EML5: variants seen among roughly 807,000 people sequenced by gnomAD.
The protein encoded by EML5 is echinoderm microtubule-associated protein-like 5.
Under a neutral mutation model 250.0 loss-of-function variants are expected in EML5, and 120 were observed. The observed-to-expected ratio is 0.48, with a 90% CI of 0.41 to 0.56. The LOEUF (loss-of-function observed/expected upper bound fraction) is 0.56, where lower values mean the gene tolerates loss of function less well. Ranked by LOEUF, EML5 falls within the 20% of genes least tolerant of loss-of-function variation. The probability of loss-of-function intolerance (pLI) is 0.00; values close to 1 mark genes in which losing one functional copy is unlikely to be tolerated. For missense variants in EML5, 2,006 were observed against 2,437.6 expected (o/e 0.82, Z 3.73); for synonymous variants, 771 against 806.5 (o/e 0.96, Z 0.75).
intron 27 of EML5, among the ~76,000 whole-genome samples, chr14:88,654,645 CTGTT>C (rs1307351419): frequency 3.9e-5 from 6 of 152,112 alleles, no homozygotes; most frequent in African/African-American, 9.7e-5. Context: ...GTTTGAGAGA[CTGTT>C]TGTTATGATT....
intron 1 of EML5, among the ~76,000 whole-genome samples, chr14:88,788,564 T>G (rs1271635220): frequency 6.6e-6 from 1 of 152,028 alleles, no homozygotes; most frequent in East Asian, 1.9e-4. Flanking sequence ...CTCTAAATTC[T>G]ATACCTACTT....
At chr14:88,713,700 T>C (rs1458137295) in intron 9 of EML5, among the ~76,000 whole-genome samples, 1 of 151,564 alleles carries the variant, frequency 6.6e-6, no homozygotes, top group Non-Finnish European at 1.5e-5. Context: ...AAGAGATCCT[T>C]CCACTTTGGC....
intron 42 of EML5, 124 bp downstream of exon 42, chr14:88,616,602 T>C (rs2087659066): frequency 1.0e-6 from 1 of 982,628 alleles, no homozygotes; most frequent in East Asian, 2.6e-5. Flanking sequence ...TAAATAGATT[T>C]AGAAAGTTTG....
At chr14:88,759,871 A>T (rs976105178) in intron 1 of EML5, among the ~76,000 whole-genome samples, 2 of 152,118 alleles carry the variant, frequency 1.3e-5, no homozygotes, top group Non-Finnish European at 2.9e-5. Context: ...TTACACTCTC[A>T]CCAGCAATGT....
At chr14:88,627,860 A>G (rs1473920043) in intron 33 of EML5, 41 bp from the exon 34 acceptor site, 1 of 1,511,318 alleles carries the variant, frequency 6.6e-7, no homozygotes, top group East Asian at 2.4e-5. Context: ...TCTACCTGTT[A>G]TAAATATTTC....
At position 88,776,688 on chromosome 14, in the gene EML5, G is replaced by T. The variant is rs938258345; in HGVS notation, c.197+15619C>A. The stretch of plus-strand genomic sequence containing the variant: ...TTGAGCCCAGTAGTTCAAGACCAAC[G>T]TGCGTAACATGGCAAAACCCTGTCT... On this transcript the variant is annotated intron_variant, in intron 1 of 43. Coordinates refer to ENST00000554922, the MANE Select transcript of EML5 (RefSeq NM_183387.3). Among the ~76,000 whole-genome samples the T allele has an allele frequency of 2.0e-5, 3 of 150,566 alleles. No homozygotes were observed. In the South Asian group the frequency reaches 6.3e-4, roughly 32 times the overall value.
intron 28 of EML5, among the ~76,000 whole-genome samples, chr14:88,649,344 C>T (rs571642171): frequency 2.6e-5 from 4 of 152,090 alleles, no homozygotes; most frequent in Admixed American, 6.6e-5. Flanking sequence ...CCTGAGCCAC[C>T]GTGCCCAGCC....
intron 25 of EML5, among the ~76,000 whole-genome samples, chr14:88,660,571 T>C (rs1374141643): frequency 6.6e-6 from 1 of 151,742 alleles, no homozygotes; most frequent in East Asian, 2.0e-4. Flanking sequence ...TAAAACCCTA[T>C]CTCTACTAAA....
intron 25 of EML5, among the ~76,000 whole-genome samples, chr14:88,659,360 G>A (rs931693099): frequency 1.9e-4 from 29 of 152,032 alleles, no homozygotes; most frequent in Middle Eastern, 3.4e-3. Context: ...ACAGGGACCC[G>A]CCACCGTGCC....
intron 9 of EML5, 95 bp downstream of exon 9, chr14:88,714,844 T>C: frequency 8.1e-7 from 1 of 1,227,260 alleles, no homozygotes. Flanking sequence ...CTTCTTTGAT[T>C]TCCTATGATC....
intron 7 of EML5, among the ~76,000 whole-genome samples, chr14:88,732,469 C>T (rs2093775999): frequency 6.6e-6 from 1 of 152,142 alleles, no homozygotes; most frequent in African/African-American, 2.4e-5. Context: ...GTTACTATAG[C>T]CTTGTAGTAT....
In EML5 at chr14:88,702,646, C is replaced by A. The variant is rs2093237701; in HGVS notation, c.2052-14G>T. 6.6e-7 allele frequency: 1 copy of A among 1,509,110 alleles called. No individual in the cohort carries two copies. Among genetic ancestry groups the A allele is most frequent in the African/African-American group, 1.4e-5 (1 of 70,832 alleles). The allele number at this position is 1,509,110 out of a possible 1,614,324, so 93.5% of individuals were successfully genotyped here. A position where few individuals can be genotyped will look rare whatever the true frequency, so the allele number is the denominator to read the frequency against. On this transcript the variant is annotated splice_polypyrimidine_tract_variant and intron_variant, in intron 13 of 43. Coordinates refer to ENST00000554922, the MANE Select transcript of EML5 (RefSeq NM_183387.3). Reference sequence around the variant, plus strand: ...TAACCTCTGTAACTAATATAGAAAACAAATCATATATAATTAATTTTGGCC... The same window carrying A: ...TAACCTCTGTAACTAATATAGAAAAAAAATCATATATAATTAATTTTGGCC...
intron 21 of EML5, among the ~76,000 whole-genome samples, chr14:88,677,583 C>T (rs924103263): frequency 4.6e-5 from 7 of 152,188 alleles, no homozygotes; most frequent in Admixed American, 2.0e-4. Flanking sequence ...CCAGAATCTA[C>T]AAGGAACTTA....
intron 1 of EML5, among the ~76,000 whole-genome samples, chr14:88,783,379 G>A (rs750801827): frequency 6.6e-6 from 1 of 152,168 alleles, no homozygotes; most frequent in South Asian, 2.1e-4. Flanking sequence ...ACAGATCAAT[G>A]GAAGATCCAA....
At chr14:88,616,098 C>T (rs2087567211) in intron 43 of EML5, 44 bp downstream of exon 43, 1 of 1,585,942 alleles carries the variant, frequency 6.3e-7, no homozygotes, top group East Asian at 2.2e-5. Context: ...AGTCTCTTAA[C>T]TAGTAACATA....
In EML5 at chr14:88,664,576, A is replaced by C; in HGVS notation, c.3326T>G (p.Ile1109Arg). The C allele has an allele frequency of 1.2e-6, 2 of 1,610,678 alleles. No individual in the cohort carries two copies. Among genetic ancestry groups the C allele is most frequent in the Non-Finnish European group, 1.7e-6 (2 of 1,178,742 alleles). The stretch of plus-strand genomic sequence containing the variant: ...TCGTTTACTACTCATTACATTGTAT[A>C]TATCTATAAAGCTGTCATGGGATGC... ...AVASHDSFID[I>R]YNVMSSKRVG... Residue 1109 changes from isoleucine to arginine, a missense_variant, in exon 23 of 44, where the codon ATA becomes AGA. By Grantham distance (97) the Ile-to-Arg change is moderately conservative. This residue lies in a region of EML5 where 1,375 missense variants were observed against 1,590.3 expected (regional missense o/e 0.86). Coordinates refer to ENST00000554922, the MANE Select transcript of EML5 (RefSeq NM_183387.3).
At chr14:88,767,625 T>C (rs950728462) in intron 1 of EML5, among the ~76,000 whole-genome samples, 3 of 152,214 alleles carry the variant, frequency 2.0e-5, no homozygotes, top group Non-Finnish European at 4.4e-5. Context: ...TTTTTGCATA[T>C]GTGTGTCTGC....
chr14:88,720,308 C>T (rs561938460), intron 8 of EML5, among the ~76,000 whole-genome samples: 13 of 152,202 alleles, frequency 8.5e-5, no homozygotes, highest in Admixed American at 6.5e-4. Context: ...CATCTTGATA[C>T]CAAAACCTGG....
At chr14:88,645,232 G>A (rs886581942) in intron 29 of EML5, among the ~76,000 whole-genome samples, 1 of 152,094 alleles carries the variant, frequency 6.6e-6, no homozygotes, top group African/African-American at 2.4e-5. Flanking sequence ...CGCCATGTTG[G>A]CCAGGCTGGT....
Sources: allele counts gnomAD v4.1 joint callset (sites outside exome capture counted in the v4.1 genomes callset), GRCh38; gene constraint gnomAD v4.1.1; regional missense constraint gnomAD v4.1.1; transcripts MANE v1.5; gene names NCBI Gene and HGNC (gene_info 2026-07-23, HGNC 2026-07-21).